The following BST1 variants were observed in gnomAD, a reference collection of about 807,000 sequenced individuals.
The protein encoded by BST1 is ADP-ribosyl cyclase/cyclic ADP-ribose hydrolase 2.
A neutral mutation model predicts 40.6 loss-of-function variants in BST1; 49 were observed. The observed-to-expected ratio is 1.21, with a 90% confidence interval of 0.96 to 1.53. BST1 has a LOEUF of 1.53. Among genes scored for constraint, BST1 ranks in the 40% most tolerant of loss-of-function variants. BST1 has a pLI of 0.00. For missense variants in BST1, 423 were observed against 395.9 expected, an observed-to-expected ratio of 1.07 and a Z score of -0.58; for synonymous variants, 157 against 159.3, an observed-to-expected ratio of 0.99 and a Z score of 0.11.
the BST1 span, among the ~76,000 whole-genome samples, chr4:15,770,173 T>A: frequency 7.2e-5 from 11 of 152,228 alleles, no homozygotes; most frequent in East Asian, 2.1e-3. Context: ...TGAATGATTT[T>A]AAAATGACTA....
At chr4:15,707,878 C>CACAT (rs1553863551) in intron 3 of BST1, among the ~76,000 whole-genome samples, 56 of 138,150 alleles carry the variant, frequency 4.1e-4, no homozygotes, top group East Asian at 2.6e-3. Flanking sequence ...TATATATACA[C>CACAT]ATATATATAC....
chr4:15,712,016 A>G, intron 4 of BST1, 127 bp downstream of exon 4: 2 of 718,848 alleles, frequency 2.8e-6, no homozygotes, highest in Non-Finnish European at 4.8e-6. Flanking sequence ...CACTTTTACC[A>G]CATCATGATT....
intron 4 of BST1, among the ~76,000 whole-genome samples, chr4:15,714,421 T>C (rs1326605649): frequency 2.0e-5 from 3 of 152,232 alleles, no homozygotes; most frequent in Admixed American, 6.5e-5. Context: ...CTTCAGCCCA[T>C]GTATTTTTCA....
At chr4:15,705,046 G>A in intron 1 of BST1, 2 of 715,746 alleles carry the variant, frequency 2.8e-6, no homozygotes, top group South Asian at 2.9e-5. Context: ...TGCACTGGAG[G>A]GTGCACCTGC....
chr4:15,729,312 T>G (rs1577595531), intron 8 of BST1, among the ~76,000 whole-genome samples: 1 of 151,926 alleles, frequency 6.6e-6, no homozygotes, highest in East Asian at 1.9e-4. Flanking sequence ...AAAAATTGGC[T>G]GGGTATGTTG....
intron 8 of BST1, among the ~76,000 whole-genome samples, chr4:15,730,512 A>C (rs1577596876): frequency 6.6e-6 from 1 of 152,160 alleles, no homozygotes; most frequent in East Asian, 1.9e-4. Flanking sequence ...GAATGAGTTA[A>C]CTCCCTGTGT....
chr4:15,729,192 C>G (rs1253924251), intron 8 of BST1, among the ~76,000 whole-genome samples: 4 of 152,130 alleles, frequency 2.6e-5, no homozygotes, highest in African/African-American at 9.7e-5. Flanking sequence ...TGGCTCATGC[C>G]TGTAACCGTA....
At chr4:15,705,713 T>C in intron 2 of BST1, 72 bp downstream of exon 2, 8 of 1,565,750 alleles carry the variant, frequency 5.1e-6, no homozygotes, top group Admixed American at 1.7e-5. Flanking sequence ...ATGGGCCAGG[T>C]TGACATTAGC....
chr4:15,724,479 G>T (rs1040576819), intron 8 of BST1, among the ~76,000 whole-genome samples: 1 of 152,060 alleles, frequency 6.6e-6, no homozygotes, highest in Non-Finnish European at 1.5e-5. Context: ...CTGAGGTCAG[G>T]AGTTCAAGAC....
intron 1 of BST1, among the ~76,000 whole-genome samples, chr4:15,703,758 G>GCA: frequency 6.8e-6 from 1 of 147,324 alleles, no homozygotes; most frequent in Non-Finnish European, 1.5e-5. Flanking sequence ...AGGGGTGTGT[G>GCA]TGTGTGTTCT....
chr4:15,769,513 C>T, the BST1 span, among the ~76,000 whole-genome samples: 1 of 152,064 alleles, frequency 6.6e-6, no homozygotes, highest in South Asian at 2.1e-4. Context: ...CAAGCCTGAG[C>T]CACAGGGAGT....
chr4:15,773,717 G>T, the BST1 span, among the ~76,000 whole-genome samples: 1 of 152,174 alleles, frequency 6.6e-6, no homozygotes, highest in African/African-American at 2.4e-5. Flanking sequence ...GATCGCTTGA[G>T]CCCAGGAGGT....
chr4:15,747,302 G>C, the BST1 span, among the ~76,000 whole-genome samples: 1 of 152,074 alleles, frequency 6.6e-6, no homozygotes. Flanking sequence ...TCTCAGATTC[G>C]TGCCTGTCAG....
chr4:15,703,779 T>C, intron 1 of BST1, among the ~76,000 whole-genome samples: 1 of 123,434 alleles, frequency 8.1e-6, no homozygotes. Flanking sequence ...AAAGGTGAGA[T>C]GTGTGTGTGT....
downstream of BST1, among the ~76,000 whole-genome samples, chr4:15,738,504 A>G (rs1404542038): frequency 6.6e-6 from 1 of 152,236 alleles, no homozygotes; most frequent in Non-Finnish European, 1.5e-5. Context: ...TAAAAGGAGA[A>G]AAAGATCCTA....
chr4:15,735,961 A>C (rs1721545255), downstream of BST1: 4 of 720,548 alleles, frequency 5.6e-6, no homozygotes, highest in South Asian at 6.7e-5. Context: ...AATACAGAAA[A>C]ATTAGGAAGA....
the BST1 span, among the ~76,000 whole-genome samples, chr4:15,743,950 G>T: frequency 6.2e-3 from 952 of 152,326 alleles, 10 homozygotes; most frequent in African/African-American, 0.022. Flanking sequence ...TGGGAATGGA[G>T]GGTGAGAGAG....
At chr4:15,725,901 T>C (rs1721078106) in intron 8 of BST1, among the ~76,000 whole-genome samples, 3 of 151,862 alleles carry the variant, frequency 2.0e-5, no homozygotes, top group Non-Finnish European at 2.9e-5. Context: ...TTTTTTTTCT[T>C]TTTTATAGTG....
intron 5 of BST1, 92 bp downstream of exon 5, chr4:15,715,453 C>G (rs1454855662): frequency 1.5e-6 from 2 of 1,312,428 alleles, no homozygotes; most frequent in Non-Finnish European, 2.1e-6. Context: ...TATCCTAGTC[C>G]CCATCTCATG....
Sources: gnomAD v4.1 joint callset for allele counts (sites outside exome capture counted in the v4.1 genomes callset) on GRCh38, gnomAD v4.1.1 for gene constraint, MANE v1.5 for transcripts, NCBI Gene and HGNC (gene_info 2026-07-23, HGNC 2026-07-21) for gene names.